Variants in GSE1 observed in about 807,000 individuals in gnomAD.
GSE1 encodes the protein Gse1 coiled-coil protein.
A neutral mutation model predicts 112.6 loss-of-function variants in GSE1; 32 were observed. The ratio of observed to expected loss-of-function variants is 0.28; its 90% CI spans 0.21 to 0.38. The LOEUF (loss-of-function observed/expected upper bound fraction) is 0.38, where lower values mean the gene tolerates loss of function less well. GSE1 is among the 10% of genes least tolerant of loss of function. The pLI is 1.00. For synonymous variants in GSE1, 1,115 were observed against 735.6 expected, an observed-to-expected ratio of 1.52 and a Z score of -8.35; for missense variants, 2,348 against 1,699.2, an observed-to-expected ratio of 1.38 and a Z score of -6.71.
intron 1 of GSE1, among the ~76,000 whole-genome samples, chr16:85,297,135 C>T (rs538390875): frequency 9.8e-5 from 15 of 152,372 alleles, no homozygotes; most frequent in African/African-American, 3.6e-4. Context: ...GCCCTCTACC[C>T]GGCCAGGCTG....
At chr16:85,204,360 G>A (rs2075079849) in intron 1 of GSE1, among the ~76,000 whole-genome samples, 1 of 152,222 alleles carries the variant, frequency 6.6e-6, no homozygotes, top group Admixed American at 6.5e-5. Context: ...TCAGCCCGTG[G>A]GCTTTTGGGT....
chr16:85,464,993 G>C (rs2050084514), intron 2 of GSE1, among the ~76,000 whole-genome samples: 1 of 152,230 alleles, frequency 6.6e-6, no homozygotes, highest in Admixed American at 6.5e-5. Context: ...TGAGGAAACA[G>C]TGTGCTCGTT....
In GSE1 at chr16:85,656,615, C is replaced by T. The variant is rs545396813; in HGVS notation, c.1262C>T (p.Ala421Val). 1.9e-6 allele frequency: 3 copies of T among 1,544,278 alleles called. No individual in the cohort carries two copies. Among genetic ancestry groups the T allele is most frequent in the Admixed American group, 2.0e-5 (1 of 50,656 alleles). ...GAGCTGCATGGGCTGCGTGGCCATG[C>T]CACTGAGGAGCGGGGCAAGCCCTCG... ...VAELHGLRGH[A>V]TEERGKPSEQ... The change falls in exon 7 of 16, where the codon GCC becomes GTC. Residue 421 changes from alanine (A) to valine (V), a missense_variant. Physicochemically the swap from Ala to Val is moderately conservative, Grantham distance 64. Coordinates refer to ENST00000253458, the MANE Select transcript of GSE1 (RefSeq NM_014615.5).
In GSE1 at chr16:85,326,762, C is replaced by T. The variant is rs1344378191; in HGVS notation, c.2284-30701C>T. Among the ~76,000 whole-genome samples, 2 of 152,302 alleles carry T rather than the reference C, an allele frequency of 1.3e-5. 1 individual carries two copies. The highest frequency in any genetic ancestry group is 4.2e-4 in the South Asian group (2 of 4,814). On this transcript the variant is annotated intron_variant, in intron 1 of 2. Transcript: ENST00000637419. ...TGGTGCTTACTTTGTGGTTTCAGCT[C>T]CTGTCCAGGGTAGAAGCTGTGATCA...
chr16:85,655,776 T>TCCCCAC lies in GSE1; in HGVS notation c.853_858dup (p.Thr285_Pro286dup). 6.3e-7 allele frequency: 1 copy of TCCCCAC among 1,583,304 alleles called. No individual in the cohort carries two copies. The highest frequency in any genetic ancestry group is 2.2e-5 in the East Asian group (1 of 44,694). On this transcript the variant is annotated inframe_insertion, in exon 6 of 16. Transcript: ENST00000253458. ...GCCCTGAGGTCCCCGTTCTACCCCATCCCCACCCCCGGCTCCCTGCCCCCA... is the reference window on the plus strand; with the variant it reads ...GCCCTGAGGTCCCCGTTCTACCCCATCCCCACCCCCACCCCCGGCTCCCTGCCCCCA...
At chr16:85,627,867 C>G (rs1171788324) in intron 1 of GSE1, among the ~76,000 whole-genome samples, 8 of 152,236 alleles carry the variant, frequency 5.3e-5, no homozygotes, top group African/African-American at 1.4e-4. Flanking sequence ...CTCCCTCTCC[C>G]CGCCATCCCT....
At chr16:85,463,630 C>G (rs899224843) in intron 2 of GSE1, among the ~76,000 whole-genome samples, 2 of 152,180 alleles carry the variant, frequency 1.3e-5, no homozygotes, top group East Asian at 1.9e-4. Flanking sequence ...GACTGGAACT[C>G]TCAACCTACC....
intron 1 of GSE1, among the ~76,000 whole-genome samples, chr16:85,332,773 C>A (rs2046403114): frequency 6.6e-6 from 1 of 152,182 alleles, no homozygotes; most frequent in African/African-American, 2.4e-5. Context: ...CTGAAACGCC[C>A]TTTCTCCCCC....
intron 2 of GSE1, among the ~76,000 whole-genome samples, chr16:85,358,565 CAG>C (rs765861230): frequency 3.3e-5 from 5 of 151,988 alleles, no homozygotes; most frequent in African/African-American, 1.2e-4. Flanking sequence ...GATGGACAGA[CAG>C]GGGACTGCTG....
At position 85,412,636 on chromosome 16, in the gene GSE1, C is replaced by CT. The variant is rs56492237; in HGVS notation, c.2464+54993_2464+54994insT. On this transcript the variant is annotated intron_variant, in intron 2 of 2. Coordinates refer to the GSE1 transcript ENST00000637419. ...TCCTCACTGTTACACTCAGGCCCCC[C>CT]GGATAATCCTCACCGTTACACTCAG... Among the ~76,000 whole-genome samples the CT allele has an allele frequency of 3.1e-4, 3 of 9,530 alleles. 1 individual carries two copies. The highest frequency in any genetic ancestry group is 5.5e-4 in the Non-Finnish European group (2 of 3,666). The allele number at this position is 9,530 out of a possible 152,430, so 6.3% of individuals were successfully genotyped here. A position where few individuals can be genotyped will look rare whatever the true frequency, so the allele number is the denominator to read the frequency against.
intron 1 of GSE1, among the ~76,000 whole-genome samples, chr16:85,259,901 A>G (rs8055650): frequency 0.4 from 61,074 of 152,108 alleles, 12,965 homozygotes; most frequent in African/African-American, 0.54. Context: ...GACCTACCCC[A>G]GCCCAGCTGC....
chr16:85,654,815 C>G lies in GSE1; in HGVS notation c.621C>G (p.His207Gln), dbSNP rs376206559. 2 of 1,611,258 alleles carry G rather than the reference C, an allele frequency of 1.2e-6. No homozygotes were observed. The highest frequency in any genetic ancestry group is 1.3e-5 in the African/African-American group (1 of 74,846). Residue 207 changes from histidine (H) to glutamine (Q), a missense_variant, in exon 5 of 16, where the codon CAC (histidine) becomes CAG (glutamine). Physicochemically the swap from His to Gln is conservative, Grantham distance 24. Coordinates refer to ENST00000253458, the MANE Select transcript of GSE1 (RefSeq NM_014615.5). ...GCAGCCTCCAGCGGCCCGTGCACCA[C>G]GTGGTGCCCCCCAGTACCGTGACCG... The part of the protein sequence containing the change: ...PPLNLQRPVH[H>Q]VVPPSTVTED...
rs527912343 is a variant in GSE1 at position 85,297,622 on chromosome 16, C to G, written c.2284-59841C>G. On this transcript the variant is annotated intron_variant, in intron 1 of 2. Transcript: ENST00000637419. Reference sequence around the variant, plus strand: ...TCATGTGATCCTCCAGTCTCAGCCTCCCTTGTAGCTGGGTTCACAGGCACA... The same window carrying G: ...TCATGTGATCCTCCAGTCTCAGCCTGCCTTGTAGCTGGGTTCACAGGCACA... Among the ~76,000 whole-genome samples the G allele has an allele frequency of 9.2e-5, 14 of 152,270 alleles. No homozygotes were observed. In the East Asian group the frequency reaches 9.6e-4, roughly 10 times the overall value.
In GSE1 at chr16:85,673,489, A is replaced by C. The variant is rs567926385; in HGVS notation, c.*950A>C. Reference sequence around the variant, plus strand: ...TGGTTTTTTTTGGGCAAAAAAAAAAAAAAAACCTTGCTTTTAGTGTTTGTA... The same window carrying C: ...TGGTTTTTTTTGGGCAAAAAAAAAACAAAAACCTTGCTTTTAGTGTTTGTA... On this transcript the variant is annotated 3_prime_UTR_variant, in exon 16 of 16. Coordinates refer to ENST00000253458, the MANE Select transcript of GSE1 (RefSeq NM_014615.5). 8.5e-5 allele frequency: 13 copies of C among 152,506 alleles called. No homozygotes were observed. In the South Asian group the frequency reaches 2.3e-3, roughly 27 times the overall value. 9.4% of individuals were successfully genotyped at this position (152,506 alleles called of 1,614,324 possible). A position where few individuals can be genotyped will look rare whatever the true frequency, so the allele number is the denominator to read the frequency against.
chr16:85,626,592 G>A (rs951938342), intron 1 of GSE1, among the ~76,000 whole-genome samples: 4 of 152,230 alleles, frequency 2.6e-5, no homozygotes, highest in Admixed American at 6.5e-5. Flanking sequence ...CCAGCCTCAC[G>A]GGGTGTAATT....
chr16:85,475,800 T>TGA (rs1567517359), intron 2 of GSE1, among the ~76,000 whole-genome samples: 2 of 148,112 alleles, frequency 1.4e-5, no homozygotes, highest in Non-Finnish European at 3.0e-5. Flanking sequence ...TTTTTTTTTT[T>TGA]AATACTAGAG....
At chr16:85,198,723 C>T (rs2074974459) in intron 1 of GSE1, among the ~76,000 whole-genome samples, 1 of 152,150 alleles carries the variant, frequency 6.6e-6, no homozygotes, top group Non-Finnish European at 1.5e-5. Flanking sequence ...ACCCTTTAGC[C>T]CCTTGCTCCT....
At chr16:85,640,944 G>A (rs1381508859) in intron 2 of GSE1, among the ~76,000 whole-genome samples, 1 of 152,216 alleles carries the variant, frequency 6.6e-6, no homozygotes, top group African/African-American at 2.4e-5. Context: ...GAGCCAAAGG[G>A]GAGCAAGGCC....
chr16:85,225,743 C>G (rs1009394391), intron 1 of GSE1, among the ~76,000 whole-genome samples: 1 of 152,244 alleles, frequency 6.6e-6, no homozygotes, highest in Non-Finnish European at 1.5e-5. Flanking sequence ...CAAACACTTG[C>G]AGTATTCGTA....
Sources: allele counts gnomAD v4.1 joint callset (sites outside exome capture counted in the v4.1 genomes callset), GRCh38; gene constraint gnomAD v4.1.1; transcripts MANE v1.5; gene names NCBI Gene and HGNC (gene_info 2026-07-23, HGNC 2026-07-21).